FARSA: variants seen among roughly 807,000 people sequenced by gnomAD.
The protein encoded by FARSA is phenylalanine--tRNA ligase alpha subunit.
A neutral mutation model predicts 63.2 loss-of-function variants in FARSA; 37 were observed. The ratio of observed to expected loss-of-function variants is 0.59; its 90% CI spans 0.45 to 0.77. The LOEUF is 0.77. FARSA is among the 30% of genes least tolerant of loss of function. The pLI is 0.00. For missense variants in FARSA, 618 were observed against 696.6 expected (o/e 0.89, Z 1.27); for synonymous variants, 312 against 285.1 (o/e 1.09, Z -0.95).
intron 1 of FARSA, among the ~76,000 whole-genome samples, chr19:12,931,077 A>AT (rs767884014): frequency 3.5e-4 from 53 of 152,256 alleles, no homozygotes; most frequent in Non-Finnish European, 5.9e-4. Context: ...AGGTGAACTG[A>AT]TATGTCTCCA....
At chr19:12,928,919 T>C in intron 4 of FARSA, 72 bp from the exon 5 acceptor site, 1 of 1,345,676 alleles carries the variant, frequency 7.4e-7, no homozygotes, top group Non-Finnish European at 1.1e-6. Flanking sequence ...TCCCGTCTGA[T>C]GAGGATCCCC....
At position 12,924,752 on chromosome 19, in the gene FARSA, G is replaced by A; in HGVS notation, c.1082C>T (p.Thr361Ile). The stretch of plus-strand genomic sequence containing the variant: ...CTCAGCCAGGTGCGTGGCGTCCAGG[G>A]TCTCATTCCGGAATACGCGGTCGAT... ...FSIDRVFRNE[T>I]LDATHLAEFH... The change falls in exon 10 of 13, where the codon ACC (threonine) becomes ATC (isoleucine). Residue 361 changes from threonine (T) to isoleucine (I), a missense_variant. By Grantham distance (89) the Thr-to-Ile change is moderately conservative. Coordinates refer to ENST00000314606, the MANE Select transcript of FARSA (RefSeq NM_004461.3). The surrounding 1 kb of genome is among the most constrained non-coding windows in gnomAD (Gnocchi z 6.4). 1.2e-6 allele frequency: 2 copies of A among 1,602,262 alleles called. No homozygotes were observed. Among genetic ancestry groups the A allele is most frequent in the Non-Finnish European group, 1.7e-6 (2 of 1,171,858 alleles).
chr19:12,932,196 T>C lies in FARSA; in HGVS notation c.147+1354A>G, dbSNP rs370409772. On this transcript the variant is annotated intron_variant, in intron 1 of 12. Coordinates refer to ENST00000314606, the MANE Select transcript of FARSA (RefSeq NM_004461.3). The stretch of plus-strand genomic sequence containing the variant: ...GGTGCCCACCAACACGCCTGGCTAA[T>C]TTTTTTTTGTATTTTTAGTAGAGAC... 4.0e-5 allele frequency among the ~76,000 whole-genome samples: 6 copies of C among 151,200 alleles called. No homozygotes were observed. In the East Asian group the frequency reaches 9.7e-4, roughly 24 times the overall value.
At chr19:12,923,599 C>T (rs2145992940) in intron 12 of FARSA, among the ~76,000 whole-genome samples, 1 of 152,328 alleles carries the variant, frequency 6.6e-6, no homozygotes, top group Admixed American at 6.5e-5. Context: ...CCTGCCTCAG[C>T]CTCCTAAGTA....
At chr19:12,932,169 C>CGGGTGCCCACCAACACGCCT (rs1167690021) in intron 1 of FARSA, among the ~76,000 whole-genome samples, 1 of 151,384 alleles carries the variant, frequency 6.6e-6, no homozygotes, top group Non-Finnish European at 1.5e-5. Context: ...GCTGGGATTA[C>CGGGTGCCCACCAACACGCCT]GGGTGCCCAC....
intron 12 of FARSA, among the ~76,000 whole-genome samples, chr19:12,923,700 G>A (rs755474914): frequency 1.1e-4 from 17 of 152,158 alleles, no homozygotes; most frequent in East Asian, 3.8e-4. Context: ...GGCTGGCCTC[G>A]AACTCCTGTC....
Position 12,933,692 on chromosome 19 carries a change from G to T in FARSA, c.5C>A (p.Ala2Glu). The stretch of plus-strand genomic sequence containing the variant: ...CAGCAGTTCCGCCACCTGACCATCC[G>T]CCATGACTCCTTCCAGTGTGCTCAG... M[A>E]DGQVAELLLR... is the part of the protein sequence containing the mutation. Residue 2 changes from alanine (A) to glutamate (E), a missense_variant, in exon 1 of 13, where the codon GCG becomes GAG. By Grantham distance (107) the Ala-to-Glu change is moderately radical. Transcript: ENST00000314606. The T allele has an allele frequency of 6.4e-7, 1 of 1,567,488 alleles. No homozygotes were observed. Among genetic ancestry groups the T allele is most frequent in the Non-Finnish European group, 8.6e-7 (1 of 1,160,614 alleles).
intron 5 of FARSA, 37 bp from the exon 6 acceptor site, chr19:12,928,700 G>A (rs371053750): frequency 1.7e-5 from 28 of 1,611,230 alleles, no homozygotes; most frequent in South Asian, 1.2e-4. Context: ...AGGGCTGCCC[G>A]CCCCTGCCCC....
chr19:12,925,523 A>C (rs970404636), intron 7 of FARSA, among the ~76,000 whole-genome samples: 1 of 149,798 alleles, frequency 6.7e-6, no homozygotes, highest in African/African-American at 2.5e-5. Flanking sequence ...ACACCCGGGA[A>C]ATTTTTGTAT....
intron 7 of FARSA, among the ~76,000 whole-genome samples, chr19:12,925,610 G>A (rs1027200474): frequency 5.9e-5 from 9 of 151,986 alleles, no homozygotes; most frequent in South Asian, 2.1e-4. Context: ...CACCCACCTC[G>A]GCCTCCCAGT....
At chr19:12,925,672 C>CGTAT (rs1004276696) in intron 7 of FARSA, among the ~76,000 whole-genome samples, 3 of 151,050 alleles carry the variant, frequency 2.0e-5, no homozygotes, top group Non-Finnish European at 4.4e-5. Context: ...TATGTATGTA[C>CGTAT]GTATGTATGT....
At chr19:12,925,512 C>CA (rs1971316558) in intron 7 of FARSA, among the ~76,000 whole-genome samples, 1 of 151,430 alleles carries the variant, frequency 6.6e-6, no homozygotes, top group African/African-American at 2.4e-5. Context: ...TGCCTGCCAC[C>CA]ACACCCGGGA....
rs748920575 is a variant in FARSA, at chr19:12,930,249, C to T, written c.477G>A (p.Leu159=). 1.9e-6 allele frequency: 3 copies of T among 1,614,038 alleles called. No individual in the cohort carries two copies. The highest frequency in any genetic ancestry group is 2.7e-5 in the African/African-American group (2 of 74,940). The change falls in exon 4 of 13, where the codon CTG becomes CTA. Residue 159 remains leucine, a synonymous_variant. Transcript: ENST00000314606. Reference sequence around the variant, plus strand: ...CTTCAGCCAACAGCTTCCTCTTCCTCAGCTCGCTCCTCTCCTTCTCCCCCA... The same window carrying T: ...CTTCAGCCAACAGCTTCCTCTTCCTTAGCTCGCTCCTCTCCTTCTCCCCCA... ...EKLGEKERSE[L]RKRKLLAEVT...
intron 1 of FARSA, chr19:12,932,969 G>A (rs960441113): frequency 6.6e-6 from 1 of 152,616 alleles, no homozygotes; most frequent in Non-Finnish European, 1.5e-5. Context: ...TCTTCCCAAA[G>A]GTGATGTGGA....
chr19:12,931,624 C>T (rs1971397182), intron 1 of FARSA, among the ~76,000 whole-genome samples: 1 of 152,116 alleles, frequency 6.6e-6, no homozygotes, highest in Non-Finnish European at 1.5e-5. Flanking sequence ...AAACTCCTGG[C>T]CTCAAGTGAT....
At chr19:12,929,233 T>G (rs923272443) in intron 4 of FARSA, among the ~76,000 whole-genome samples, 2 of 152,094 alleles carry the variant, frequency 1.3e-5, no homozygotes, top group African/African-American at 4.8e-5. Flanking sequence ...TGAGACAGAG[T>G]TTTGCTCTTG....
intron 12 of FARSA, among the ~76,000 whole-genome samples, chr19:12,923,493 G>A (rs532017848): frequency 2.6e-5 from 4 of 152,108 alleles, no homozygotes; most frequent in South Asian, 2.1e-4. Flanking sequence ...GTAGAGACGG[G>A]AGACAGAGTC....
In FARSA at chr19:12,930,468, C is replaced by A; in HGVS notation, c.345G>T (p.Val115=). 6.2e-7 allele frequency: 1 copy of A among 1,614,220 alleles called. No homozygotes were observed. Among genetic ancestry groups the A allele is most frequent in the Non-Finnish European group, 8.5e-7 (1 of 1,180,026 alleles). ...GGGGCCCGTCAGCCGCACTCTTGTC[C>A]ACCCGAATCCACTTGTTGGACATGG... The part of the protein sequence containing the change: ...SKAMSNKWIR[V]DKSAADGPRV... The change falls in exon 3 of 13, where the codon GTG becomes GTT. Residue 115 remains valine (V), a synonymous_variant. Transcript: ENST00000314606.
intron 5 of FARSA, 45 bp from the exon 6 acceptor site, chr19:12,928,708 C>G: frequency 6.2e-7 from 1 of 1,614,014 alleles, no homozygotes; most frequent in Non-Finnish European, 8.5e-7. Flanking sequence ...CCGCCCCTGC[C>G]CCCTGCCCCA....
Sources: allele counts gnomAD v4.1 joint callset (sites outside exome capture counted in the v4.1 genomes callset), GRCh38; gene constraint gnomAD v4.1.1; non-coding constraint Gnocchi (gnomAD v3.1); transcripts MANE v1.5; gene names NCBI Gene and HGNC (gene_info 2026-07-23, HGNC 2026-07-21).